Variants in ADAMTS19 observed in about 807,000 individuals in gnomAD.
The protein encoded by ADAMTS19 is ADAM metallopeptidase with thrombospondin type 1 motif 19.
Under a neutral mutation model 153.3 loss-of-function variants are expected in ADAMTS19, and 93 were observed. The ratio of observed to expected loss-of-function variants is 0.61; its 90% confidence interval spans 0.51 to 0.72. The LOEUF (loss-of-function observed/expected upper bound fraction) is 0.72, where lower values mean the gene tolerates loss of function less well. ADAMTS19 is among the 30% of genes least tolerant of loss of function. The pLI is 0.00. For synonymous variants in ADAMTS19, 600 were observed against 556.6 expected (o/e 1.08, Z -1.10); for missense variants, 1,482 against 1,552.1 (o/e 0.95, Z 0.76).
intron 10 of ADAMTS19, among the ~76,000 whole-genome samples, chr5:129,633,149 T>C (rs1345770839): frequency 6.6e-6 from 1 of 152,150 alleles, no homozygotes; most frequent in Non-Finnish European, 1.5e-5. Flanking sequence ...ATCATTTCCA[T>C]CCTGCTCAAA....
intron 19 of ADAMTS19, among the ~76,000 whole-genome samples, chr5:129,699,043 C>A (rs1755700959): frequency 6.6e-6 from 1 of 152,184 alleles, no homozygotes; most frequent in African/African-American, 2.4e-5. Context: ...AAATGTGGAT[C>A]ATTGCTAGGA....
intron 3 of ADAMTS19, among the ~76,000 whole-genome samples, chr5:129,513,170 A>T (rs184854410): frequency 8.6e-4 from 131 of 151,964 alleles, no homozygotes; most frequent in Middle Eastern, 3.4e-3. Flanking sequence ...AAAATTAAAA[A>T]TAAACCCCCC....
intron 18 of ADAMTS19, among the ~76,000 whole-genome samples, chr5:129,684,494 T>G (rs898738846): frequency 7.8e-5 from 5 of 63,732 alleles, no homozygotes; most frequent in African/African-American, 2.3e-4. Flanking sequence ...ATATGACTAC[T>G]CTTTGCATTA....
At chr5:129,701,255 G>A (rs1312656052) in intron 19 of ADAMTS19, 133 bp from the exon 20 acceptor site, 5 of 956,520 alleles carry the variant, frequency 5.2e-6, no homozygotes, top group Middle Eastern at 2.2e-4. Flanking sequence ...ACATGGAACT[G>A]TGTCAATTGG....
At chr5:129,665,297 C>T (rs1378638944) in intron 15 of ADAMTS19, among the ~76,000 whole-genome samples, 3 of 151,776 alleles carry the variant, frequency 2.0e-5, no homozygotes, top group African/African-American at 7.3e-5. Context: ...GTTTGTCCTC[C>T]GTAGTGCTGT....
intron 16 of ADAMTS19, among the ~76,000 whole-genome samples, chr5:129,670,433 G>A (rs192197528): frequency 6.6e-6 from 1 of 152,192 alleles, no homozygotes; most frequent in East Asian, 1.9e-4. Flanking sequence ...TATGAAGTAG[G>A]CATTATTAAT....
chr5:129,625,444 G>A (rs1751988031), intron 10 of ADAMTS19, among the ~76,000 whole-genome samples: 1 of 152,146 alleles, frequency 6.6e-6, no homozygotes, highest in African/African-American at 2.4e-5. Context: ...CTAGTTTACA[G>A]TCCCACCAAC....
At chr5:129,602,621 A>C (rs1750714968) in intron 8 of ADAMTS19, among the ~76,000 whole-genome samples, 1 of 152,172 alleles carries the variant, frequency 6.6e-6, no homozygotes, top group South Asian at 2.1e-4. Flanking sequence ...TATTAATGTC[A>C]TTCTCTTTTC....
At chr5:129,482,178 T>A (rs1245345771) in intron 2 of ADAMTS19, among the ~76,000 whole-genome samples, 1 of 152,188 alleles carries the variant, frequency 6.6e-6, no homozygotes, top group East Asian at 1.9e-4. Context: ...TACTTCATTT[T>A]CTCCCATGCT....
intron 16 of ADAMTS19, among the ~76,000 whole-genome samples, chr5:129,678,046 C>G (rs1754628696): frequency 6.6e-6 from 1 of 152,172 alleles, no homozygotes. Flanking sequence ...CTTGTAAACT[C>G]AAGCCATCTG....
At chr5:129,573,100 C>T (rs1003664708) in intron 7 of ADAMTS19, among the ~76,000 whole-genome samples, 1 of 152,094 alleles carries the variant, frequency 6.6e-6, no homozygotes, top group African/African-American at 2.4e-5. Context: ...ACTTCACCTG[C>T]CAATCCCTTT....
intron 8 of ADAMTS19, among the ~76,000 whole-genome samples, chr5:129,607,579 A>C (rs1328722824): frequency 6.6e-6 from 1 of 152,158 alleles, no homozygotes; most frequent in East Asian, 1.9e-4. Flanking sequence ...TTTATGAGAA[A>C]ATATGGTTTT....
chr5:129,729,683 A>G (rs761101915), intron 21 of ADAMTS19, among the ~76,000 whole-genome samples: 42 of 152,082 alleles, frequency 2.8e-4, no homozygotes, highest in Non-Finnish European at 6.0e-4. Flanking sequence ...AAATGCAACT[A>G]ACATCTTTTC....
At position 129,656,047 on chromosome 5, in the gene ADAMTS19, T is replaced by A. The variant is rs545421300; in HGVS notation, c.2304+1614T>A. Among the ~76,000 whole-genome samples the A allele has an allele frequency of 2.6e-5, 4 of 152,318 alleles. No individual in the cohort carries two copies. The East Asian group carries it at 7.7e-4, about 29-fold the overall frequency. On this transcript the variant is annotated intron_variant, in intron 14 of 22. Coordinates refer to ENST00000274487, the MANE Select transcript of ADAMTS19 (RefSeq NM_133638.6). ...CTGTTAGATTATTGTATGTCTTAAA[T>A]GAATTTATTTCTTAAATTGTGCATG...
intron 21 of ADAMTS19, among the ~76,000 whole-genome samples, chr5:129,722,562 G>C (rs973659923): frequency 6.6e-6 from 1 of 152,062 alleles, no homozygotes; most frequent in Non-Finnish European, 1.5e-5. Context: ...TCATTCTGAC[G>C]ATAGTTTCTT....
intron 18 of ADAMTS19, 142 bp from the exon 19 acceptor site, chr5:129,694,578 C>G (rs568655384): frequency 2.7e-4 from 103 of 378,400 alleles, no homozygotes; most frequent in Non-Finnish European, 4.2e-6. Flanking sequence ...TAATATGAAT[C>G]AATAAAATTT....
chr5:129,614,070 A>C (rs560779329), intron 8 of ADAMTS19, among the ~76,000 whole-genome samples: 1 of 152,146 alleles, frequency 6.6e-6, no homozygotes, highest in Non-Finnish European at 1.5e-5. Context: ...AAAAAGTCCA[A>C]GACCAGACGG....
chr5:129,647,548 C>T (rs556630446), intron 11 of ADAMTS19, among the ~76,000 whole-genome samples: 8 of 152,246 alleles, frequency 5.3e-5, no homozygotes, highest in South Asian at 2.1e-4. Flanking sequence ...CAAATATCTG[C>T]GCACTGCTTT....
At chr5:129,533,710 C>A (rs1353462132) in intron 6 of ADAMTS19, among the ~76,000 whole-genome samples, 1 of 151,816 alleles carries the variant, frequency 6.6e-6, no homozygotes, top group Non-Finnish European at 1.5e-5. Flanking sequence ...TAGATCTTTC[C>A]TGCTTTCTCT....
Sources: allele counts gnomAD v4.1 joint callset (sites outside exome capture counted in the v4.1 genomes callset), GRCh38; gene constraint gnomAD v4.1.1; transcripts MANE v1.5; gene names NCBI Gene and HGNC (gene_info 2026-07-23, HGNC 2026-07-21).